Variants in KIF3C observed in about 807,000 individuals in gnomAD.
KIF3C encodes the protein kinesin-like protein KIF3C.
KIF3C carries 12 observed loss-of-function variants against 67.7 expected under a neutral mutation model. That is an observed-to-expected ratio of 0.18 (90% CI 0.11 to 0.29). KIF3C has a LOEUF of 0.29. Ranked by LOEUF, KIF3C falls within the 10% of genes least tolerant of loss-of-function variation. The pLI is 1.00. For missense variants in KIF3C, 789 were observed against 1,059.6 expected, an observed-to-expected ratio of 0.74 and a Z score of 3.55; for synonymous variants, 393 against 426.2, an observed-to-expected ratio of 0.92 and a Z score of 0.96.
intron 4 of KIF3C, 84 bp downstream of exon 4, chr2:25,954,183 C>T (rs1417498357): frequency 2.1e-6 from 2 of 966,230 alleles, no homozygotes; most frequent in South Asian, 1.3e-5. Context: ...AGGAGACAGT[C>T]AGGATGAGGC....
At position 25,962,894 on chromosome 2, in the gene KIF3C, A is replaced by AT. The variant is rs1229811920; in HGVS notation, c.1546-6451_1546-6450insA. Among the ~76,000 whole-genome samples, 46 of 66,268 alleles carry AT rather than the reference A, an allele frequency of 6.9e-4. 12 individuals carry two copies. Among genetic ancestry groups the AT allele is most frequent in the Non-Finnish European group, 1.0e-3 (42 of 40,286 alleles). 43.5% of individuals were successfully genotyped at this position (66,268 alleles called of 152,430 possible). A position where few individuals can be genotyped will look rare whatever the true frequency, so the allele number is the denominator to read the frequency against. On this transcript the variant is annotated intron_variant, in intron 1 of 7. Coordinates refer to ENST00000264712, the MANE Select transcript of KIF3C (RefSeq NM_002254.8). ...ATAATATATAAAATATATATAATAT[A>AT]AAATATATATAATATATAATATATA...
In KIF3C at chr2:25,980,580, C is replaced by A; in HGVS notation, c.1338G>T (p.Gln446His). 1 of 1,614,134 alleles carries A rather than the reference C, an allele frequency of 6.2e-7. No homozygotes were observed. The highest frequency in any genetic ancestry group is 8.5e-7 in the Non-Finnish European group (1 of 1,180,018). The change falls in exon 1 of 8, where the codon CAG (glutamine) becomes CAT (histidine). Residue 446 changes from glutamine (Q) to histidine (H), a missense_variant. Physicochemically the swap from Gln to His is conservative, Grantham distance 24 (BLOSUM62 0). Transcript: ENST00000264712. The surrounding 1 kb of genome is among the most constrained non-coding windows in gnomAD (Gnocchi z 7.6). ...DDNNNNHRPPQPILESALEKN... is the reference protein window; with the variant it reads ...DDNNNNHRPPHPILESALEKN... ...TCTCCAAGGCTGACTCCAGGATGGG[C>A]TGGGGCGGGCGGTGGTTGTTGTTGT... is the stretch of plus-strand genomic sequence containing the variant.
At chr2:25,972,777 C>T (rs1432424681) in intron 1 of KIF3C, among the ~76,000 whole-genome samples, 1 of 152,176 alleles carries the variant, frequency 6.6e-6, no homozygotes, top group Admixed American at 6.5e-5. Flanking sequence ...CACTTCCTCT[C>T]CCAATCGAGG....
At chr2:25,964,283 G>A (rs914740889) in intron 1 of KIF3C, among the ~76,000 whole-genome samples, 1 of 152,050 alleles carries the variant, frequency 6.6e-6, no homozygotes, top group African/African-American at 2.4e-5. Context: ...CACAGAGCAA[G>A]ACTCTGTCTC....
chr2:25,939,473 G>A (rs565916259), intron 5 of KIF3C, among the ~76,000 whole-genome samples: 59 of 152,224 alleles, frequency 3.9e-4, no homozygotes, highest in Non-Finnish European at 6.9e-4. Flanking sequence ...TCCCCGACCC[G>A]CCTGGGAAGC....
At chr2:25,948,271 C>T (rs1030954948) in intron 5 of KIF3C, among the ~76,000 whole-genome samples, 32 of 151,970 alleles carry the variant, frequency 2.1e-4, no homozygotes, top group Admixed American at 8.6e-4. Flanking sequence ...AGGGGAAGTC[C>T]AGGCTGGGTG....
chr2:25,928,878 TGCAC>T lies in KIF3C; in HGVS notation c.*96_*99del. 2 of 937,112 alleles carry T rather than the reference TGCAC, an allele frequency of 2.1e-6. No individual in the cohort carries two copies. Among genetic ancestry groups the T allele is most frequent in the Non-Finnish European group, 3.3e-6 (2 of 602,056 alleles). 58.0% of individuals were successfully genotyped at this position (937,112 alleles called of 1,614,324 possible). On this transcript the variant is annotated 3_prime_UTR_variant, in exon 8 of 8. Coordinates refer to ENST00000264712, the MANE Select transcript of KIF3C (RefSeq NM_002254.8). ...ACCCCTGCACACACGCACACGCACA[TGCAC>T]GCACACGCACACGCACCAAGCGGCA...
intron 1 of KIF3C, among the ~76,000 whole-genome samples, chr2:25,968,272 C>G (rs1032503475): frequency 6.6e-6 from 1 of 152,102 alleles, no homozygotes; most frequent in African/African-American, 2.4e-5. Context: ...ACAAAAATGA[C>G]GAATGGTTCA....
At chr2:25,938,279 A>T (rs1164522022) in intron 5 of KIF3C, 1 of 452,834 alleles carries the variant, frequency 2.2e-6, no homozygotes, top group Non-Finnish European at 4.4e-6. Context: ...AATTGCTTGA[A>T]CCTGGGAGAT....
intron 5 of KIF3C, 120 bp downstream of exon 5, chr2:25,951,669 C>T (rs1663616554): frequency 1.5e-6 from 1 of 669,110 alleles, no homozygotes; most frequent in East Asian, 2.6e-5. Context: ...TCCTCCCCAT[C>T]TTTTCCCCAA....
chr2:25,960,930 T>C (rs895592707), intron 1 of KIF3C, among the ~76,000 whole-genome samples: 4 of 152,104 alleles, frequency 2.6e-5, no homozygotes, highest in African/African-American at 7.2e-5. Flanking sequence ...TGAGACCCTG[T>C]CTCAAAAAAA....
At chr2:25,930,821 G>A (rs191697638) in intron 5 of KIF3C, among the ~76,000 whole-genome samples, 295 of 152,160 alleles carry the variant, frequency 1.9e-3, no homozygotes, top group Non-Finnish European at 3.7e-3. Flanking sequence ...TTACAGGCGT[G>A]AGCCACCGTG....
chr2:25,954,430 C>A (rs200667774), intron 3 of KIF3C, 45 bp from the exon 4 acceptor site: 3 of 1,473,048 alleles, frequency 2.0e-6, no homozygotes, highest in African/African-American at 2.8e-5. Flanking sequence ...GGTGTGGCAA[C>A]GAGGCCCCAG....
chr2:25,932,342 T>C (rs2090467600), intron 5 of KIF3C, among the ~76,000 whole-genome samples: 1 of 149,980 alleles, frequency 6.7e-6, no homozygotes, highest in African/African-American at 2.4e-5. Context: ...TTTCACCATC[T>C]TGGCCAGGCT....
intron 5 of KIF3C, among the ~76,000 whole-genome samples, chr2:25,949,305 G>T (rs1056823860): frequency 3.3e-5 from 5 of 152,150 alleles, no homozygotes; most frequent in African/African-American, 1.2e-4. Flanking sequence ...CAGGCGCAGT[G>T]GCTCACGCCT....
chr2:25,963,665 GTAT>G (rs72088886), intron 1 of KIF3C, among the ~76,000 whole-genome samples: 46,829 of 125,384 alleles, frequency 0.37, 8,290 homozygotes, highest in East Asian at 0.72. Context: ...TAGGCATGAA[GTAT>G]TATTATTATT....
intron 4 of KIF3C, among the ~76,000 whole-genome samples, chr2:25,952,428 C>A (rs1663640838): frequency 6.6e-6 from 1 of 152,100 alleles, no homozygotes; most frequent in Admixed American, 6.6e-5. Context: ...TGAAAAATCA[C>A]TGCTTCTAAC....
chr2:25,960,963 A>C (rs1663929742), intron 1 of KIF3C, among the ~76,000 whole-genome samples: 1 of 152,128 alleles, frequency 6.6e-6, no homozygotes, highest in Non-Finnish European at 1.5e-5. Flanking sequence ...AAAACAAAAA[A>C]CTTAAATGGA....
intron 5 of KIF3C, among the ~76,000 whole-genome samples, chr2:25,940,797 C>T (rs902053528): frequency 1.4e-4 from 21 of 150,880 alleles, no homozygotes; most frequent in African/African-American, 1.9e-4. Context: ...GGATTATAGG[C>T]GCCCACTACC....
Sources: allele counts gnomAD v4.1 joint callset (sites outside exome capture counted in the v4.1 genomes callset), GRCh38; gene constraint gnomAD v4.1.1; non-coding constraint Gnocchi (gnomAD v3.1); transcripts MANE v1.5; gene names NCBI Gene and HGNC (gene_info 2026-07-23, HGNC 2026-07-21).